The following ANO10 variants were observed in gnomAD, a reference collection of about 807,000 sequenced individuals.
ANO10 encodes the protein anoctamin 10, also known as anoctamin-10.
A neutral mutation model predicts 74.7 loss-of-function variants in ANO10; 77 were observed. The ratio of observed to expected loss-of-function variants is 1.03; its 90% CI spans 0.86 to 1.25. The LOEUF is 1.25. Among genes scored for constraint, ANO10 ranks in the 50% most tolerant of loss-of-function variants. The probability of loss-of-function intolerance (pLI) is 0.00; values close to 1 mark genes in which losing one functional copy is unlikely to be tolerated. For synonymous variants in ANO10, 279 were observed against 284.9 expected, an observed-to-expected ratio of 0.98 and a Z score of 0.21; for missense variants, 721 against 778.1, an observed-to-expected ratio of 0.93 and a Z score of 0.87.
intron 8 of ANO10, among the ~76,000 whole-genome samples, chr3:43,563,019 T>C (rs919347324): frequency 2.0e-5 from 3 of 152,128 alleles, no homozygotes; most frequent in Non-Finnish European, 4.4e-5. Flanking sequence ...AACAACACAG[T>C]GAAGAGACAA....
chr3:43,563,670 A>T (rs2080165673), intron 8 of ANO10, among the ~76,000 whole-genome samples: 1 of 152,232 alleles, frequency 6.6e-6, no homozygotes, highest in Non-Finnish European at 1.5e-5. Context: ...CTAGTTGGCC[A>T]TAAAAAAGAC....
chr3:43,567,599 G>A (rs536219085), intron 7 of ANO10, among the ~76,000 whole-genome samples: 1 of 152,106 alleles, frequency 6.6e-6, no homozygotes, highest in South Asian at 2.1e-4. Flanking sequence ...CATAAGTGAA[G>A]GAGAAATAAA....
At chr3:43,599,486 A>C (rs879341929) in intron 3 of ANO10, among the ~76,000 whole-genome samples, 9 of 152,224 alleles carry the variant, frequency 5.9e-5, no homozygotes, top group South Asian at 2.1e-4. Flanking sequence ...TGTATTTCTT[A>C]TTATTATAAA....
At chr3:43,474,955 T>A (rs2149068396) in intron 11 of ANO10, among the ~76,000 whole-genome samples, 1 of 152,176 alleles carries the variant, frequency 6.6e-6, no homozygotes, top group Admixed American at 6.6e-5. Flanking sequence ...AAATATATAA[T>A]CACTATAGTA....
chr3:43,400,881 G>A (rs1234196131), intron 12 of ANO10, among the ~76,000 whole-genome samples: 1 of 152,138 alleles, frequency 6.6e-6, no homozygotes, highest in Admixed American at 6.5e-5. Context: ...AGGGATTGAG[G>A]GATGCTATAA....
intron 12 of ANO10, among the ~76,000 whole-genome samples, chr3:43,380,776 C>T (rs1263779336): frequency 6.6e-6 from 1 of 150,630 alleles, no homozygotes; most frequent in Admixed American, 6.6e-5. Flanking sequence ...TAAAACACCA[C>T]CACAATGAAA....
At chr3:43,572,551 T>G (rs961094876) in intron 7 of ANO10, among the ~76,000 whole-genome samples, 1 of 152,110 alleles carries the variant, frequency 6.6e-6, no homozygotes, top group Non-Finnish European at 1.5e-5. Context: ...GAAGCATCTT[T>G]GTCACCATAA....
intron 1 of ANO10, among the ~76,000 whole-genome samples, chr3:43,681,001 T>A (rs1392779850): frequency 1.3e-5 from 2 of 152,168 alleles, no homozygotes; most frequent in Non-Finnish European, 2.9e-5. Flanking sequence ...CCATCGAGGC[T>A]AGGAGGAAAC....
chr3:43,595,375 G>A (rs1013568938), intron 4 of ANO10, among the ~76,000 whole-genome samples: 1 of 152,114 alleles, frequency 6.6e-6, no homozygotes, highest in Non-Finnish European at 1.5e-5. Flanking sequence ...CAAAATAATG[G>A]CAAAGTGAAT....
chr3:43,510,545 A>C (rs552456356), intron 11 of ANO10, among the ~76,000 whole-genome samples: 8 of 152,306 alleles, frequency 5.3e-5, no homozygotes, highest in African/African-American at 1.9e-4. Flanking sequence ...TGGTTGTGAC[A>C]CAGCTCTACA....
intron 1 of ANO10, among the ~76,000 whole-genome samples, chr3:43,647,135 A>C (rs1321813656): frequency 1.4e-5 from 2 of 145,400 alleles, no homozygotes; most frequent in East Asian, 4.0e-4. Context: ...AACCAGAACC[A>C]AAAAGATATG....
chr3:43,531,114 T>A (rs1211098529), intron 11 of ANO10, among the ~76,000 whole-genome samples: 1 of 152,174 alleles, frequency 6.6e-6, no homozygotes, highest in Admixed American at 6.5e-5. Context: ...AAAAAATAAG[T>A]CTGTGGTCAC....
intron 7 of ANO10, among the ~76,000 whole-genome samples, chr3:43,571,699 G>A (rs574715124): frequency 2.0e-5 from 3 of 151,468 alleles, no homozygotes; most frequent in Non-Finnish European, 2.9e-5. Flanking sequence ...GTGGGGGCAG[G>A]GGGGAGGGAT....
At chr3:43,386,170 G>A (rs534895787) in intron 12 of ANO10, among the ~76,000 whole-genome samples, 3 of 152,280 alleles carry the variant, frequency 2.0e-5, no homozygotes, top group Middle Eastern at 3.4e-3. Flanking sequence ...CCTCTTTTTA[G>A]CTAGGAGAGT....
At chr3:43,597,042 T>C (rs1484938129) in intron 4 of ANO10, among the ~76,000 whole-genome samples, 1 of 152,062 alleles carries the variant, frequency 6.6e-6, no homozygotes, top group Middle Eastern at 3.2e-3. Context: ...ATCAGAGAAA[T>C]GCAAATCAAA....
intron 11 of ANO10, among the ~76,000 whole-genome samples, chr3:43,463,517 G>T (rs1326796465): frequency 6.6e-6 from 1 of 152,234 alleles, no homozygotes; most frequent in East Asian, 1.9e-4. Context: ...AGTCAAAGGA[G>T]ATCATTTTGG....
intron 4 of ANO10, among the ~76,000 whole-genome samples, chr3:43,594,802 C>CA (rs1197922036): frequency 5.9e-5 from 9 of 151,960 alleles, no homozygotes; most frequent in Non-Finnish European, 1.0e-4. Flanking sequence ...AAAAACCCTT[C>CA]AAAAAATCAA....
intron 11 of ANO10, among the ~76,000 whole-genome samples, chr3:43,460,607 C>T (rs1231181271): frequency 6.6e-6 from 1 of 152,164 alleles, no homozygotes; most frequent in Non-Finnish European, 1.5e-5. Flanking sequence ...AGGCCTGAGC[C>T]AGCCATGCTA....
At chr3:43,479,864 C>T (rs1264817644) in intron 11 of ANO10, among the ~76,000 whole-genome samples, 2 of 152,190 alleles carry the variant, frequency 1.3e-5, no homozygotes, top group East Asian at 3.8e-4. Context: ...CATCCCCTCT[C>T]TCATCCAGTG....
Sources: gnomAD v4.1 joint callset for allele counts (sites outside exome capture counted in the v4.1 genomes callset) on GRCh38, gnomAD v4.1.1 for gene constraint, MANE v1.5 for transcripts, NCBI Gene and HGNC (gene_info 2026-07-23, HGNC 2026-07-21) for gene names.